ZNF608: variants seen among roughly 807,000 people sequenced by gnomAD.
The protein encoded by ZNF608 is renal carcinoma antigen NY-REN-36.
Under a neutral mutation model 109.0 loss-of-function variants are expected in ZNF608, and 12 were observed. That is an observed-to-expected ratio of 0.11 (90% CI 0.07 to 0.18). The LOEUF (loss-of-function observed/expected upper bound fraction) is 0.18. Ranked by LOEUF, ZNF608 falls within the 10% of genes least tolerant of loss-of-function variation. ZNF608 has a pLI of 1.00. For synonymous variants in ZNF608, 732 were observed against 717.4 expected (o/e 1.02, Z -0.33); for missense variants, 1,707 against 1,879.3 (o/e 0.91, Z 1.70).
intron 2 of ZNF608, among the ~76,000 whole-genome samples, chr5:124,722,620 C>CAT (rs1561584220): frequency 7.2e-6 from 1 of 139,350 alleles, no homozygotes; most frequent in Non-Finnish European, 1.6e-5. Flanking sequence ...CACACACACA[C>CAT]GCAAGAAATT....
At chr5:124,738,555 C>T (rs572021413) in intron 2 of ZNF608, among the ~76,000 whole-genome samples, 1 of 152,276 alleles carries the variant, frequency 6.6e-6, no homozygotes, top group East Asian at 1.9e-4. Flanking sequence ...AGAGTGTGTT[C>T]AATGTGGCAA....
In ZNF608 at chr5:124,737,278, C is replaced by T. The variant is rs568868748; in HGVS notation, c.906+6806G>A. On this transcript the variant is annotated intron_variant, in intron 2 of 9. Transcript: ENST00000513986. ...GCATTATTGGAATATGCCTAAATGT[C>T]CCTGCAGACACATTTTTCTTAAGGT... Among the ~76,000 whole-genome samples the T allele has an allele frequency of 1.2e-4, 18 of 152,246 alleles. No individual in the cohort carries two copies. The South Asian group carries it at 3.7e-3, about 32-fold the overall frequency.
chr5:124,644,390 C>T lies in ZNF608; in HGVS notation c.3977G>A (p.Arg1326Gln), dbSNP rs61749625. 8.9e-5 allele frequency: 144 copies of T among 1,613,966 alleles called. No homozygotes were observed. Among genetic ancestry groups the T allele is most frequent in the Non-Finnish European group, 1.2e-4 (137 of 1,180,030 alleles). The change falls in exon 6 of 10, where the codon CGG becomes CAG. Residue 1326 changes from arginine to glutamine, a missense_variant. Physicochemically the swap from Arg to Gln is conservative, Grantham distance 43 (BLOSUM62 1). Around this residue, in one of 7 missense-constraint regions of ZNF608, gnomAD observed 1,073 missense variants for 1,133.5 expected, o/e 0.95. Coordinates refer to ENST00000513986, the MANE Select transcript of ZNF608 (RefSeq NM_020747.3). ...TGAGGAGACAGCCACTCTTGTTCCCCGAGAGTCCTTCCAGTTCACAGGAGT... is the reference window on the plus strand; with the variant it reads ...TGAGGAGACAGCCACTCTTGTTCCCTGAGAGTCCTTCCAGTTCACAGGAGT... ...RKTPVNWKDS[R>Q]GTRVAVSSPM...
At chr5:124,695,209 C>T (rs935752401) in intron 3 of ZNF608, among the ~76,000 whole-genome samples, 1 of 152,156 alleles carries the variant, frequency 6.6e-6, no homozygotes, top group Non-Finnish European at 1.5e-5. Flanking sequence ...TCTTATTCCT[C>T]TTGAGAGTCA....
intron 3 of ZNF608, among the ~76,000 whole-genome samples, chr5:124,689,175 A>T (rs115247254): frequency 6.6e-6 from 1 of 152,190 alleles, no homozygotes; most frequent in Non-Finnish European, 1.5e-5. Context: ...AGATGGGAGG[A>T]TCACTTGAGC....
intron 3 of ZNF608, 116 bp downstream of exon 3, chr5:124,700,898 A>G (rs1753025580): frequency 7.1e-7 from 1 of 1,406,656 alleles, no homozygotes; most frequent in South Asian, 1.4e-5. Flanking sequence ...AGCGGAAATA[A>G]AAAACACTTT....
intron 3 of ZNF608, among the ~76,000 whole-genome samples, chr5:124,651,162 T>G (rs567411285): frequency 6.6e-6 from 1 of 152,252 alleles, no homozygotes; most frequent in Admixed American, 6.5e-5. Context: ...TCATAGCTGA[T>G]TCCAATGAAA....
intron 3 of ZNF608, among the ~76,000 whole-genome samples, chr5:124,690,031 T>TA (rs60234840): frequency 0.063 from 9,567 of 152,190 alleles, 444 homozygotes; most frequent in African/African-American, 0.13. Context: ...CTCAATGAAA[T>TA]AATATTCAGT....
At chr5:124,667,631 G>A (rs1035730620) in intron 3 of ZNF608, among the ~76,000 whole-genome samples, 1 of 151,562 alleles carries the variant, frequency 6.6e-6, no homozygotes, top group Non-Finnish European at 1.5e-5. Flanking sequence ...ATAACACTGG[G>A]AATTGCCCTT....
At chr5:124,699,520 C>G (rs1440131102) in intron 3 of ZNF608, among the ~76,000 whole-genome samples, 1 of 152,230 alleles carries the variant, frequency 6.6e-6, no homozygotes, top group Non-Finnish European at 1.5e-5. Context: ...TCACTTCCCT[C>G]TGAGCAAACA....
rs551374506 is a variant in ZNF608, at chr5:124,656,752, A to G, written c.1163-7055T>C. The stretch of plus-strand genomic sequence containing the variant: ...AATCTATGGAAATCCTTTTTTAAAA[A>G]AAAAATCTGAAAGGATTTTCCCCCT... On this transcript the variant is annotated intron_variant, in intron 3 of 9. Coordinates refer to ENST00000513986, the MANE Select transcript of ZNF608 (RefSeq NM_020747.3). 2.0e-5 allele frequency among the ~76,000 whole-genome samples: 3 copies of G among 151,356 alleles called. No homozygotes were observed. The South Asian group carries it at 6.2e-4, about 31-fold the overall frequency.
At chr5:124,708,968 T>A (rs1349550707) in intron 2 of ZNF608, among the ~76,000 whole-genome samples, 1 of 151,928 alleles carries the variant, frequency 6.6e-6, no homozygotes. Context: ...GGTCAGGAGT[T>A]CAAGACCAGC....
intron 5 of ZNF608, among the ~76,000 whole-genome samples, chr5:124,645,994 T>G (rs73784057): frequency 0.03 from 4,501 of 152,246 alleles, 254 homozygotes; most frequent in African/African-American, 0.1. Flanking sequence ...ATTTCAGAGA[T>G]AAGACTCAGA....
intron 2 of ZNF608, among the ~76,000 whole-genome samples, chr5:124,707,441 C>T (rs764106236): frequency 1.1e-4 from 16 of 152,268 alleles, no homozygotes; most frequent in Non-Finnish European, 2.1e-4. Flanking sequence ...ATATCCACAC[C>T]GATCCTGCTA....
At chr5:124,684,788 C>T (rs911614125) in intron 3 of ZNF608, among the ~76,000 whole-genome samples, 3 of 152,248 alleles carry the variant, frequency 2.0e-5, no homozygotes, top group Admixed American at 6.5e-5. Context: ...ACAGCAATCA[C>T]GCCATTTTGT....
intron 2 of ZNF608, among the ~76,000 whole-genome samples, chr5:124,717,408 T>C (rs997970036): frequency 4.6e-5 from 7 of 152,150 alleles, no homozygotes; most frequent in Admixed American, 4.6e-4. Flanking sequence ...GAGGCGGAAA[T>C]TGCAGTGAGC....
intron 3 of ZNF608, among the ~76,000 whole-genome samples, chr5:124,657,243 T>A (rs931658324): frequency 1.3e-5 from 2 of 152,148 alleles, no homozygotes; most frequent in African/African-American, 4.8e-5. Flanking sequence ...TGCTGTCCCA[T>A]ATGTTCACGT....
chr5:124,648,587 C>T lies in ZNF608; in HGVS notation c.1797G>A (p.Glu599=). The change falls in exon 5 of 10, where the codon GAG becomes GAA. Residue 599 remains glutamate, a synonymous_variant. Transcript: ENST00000513986. ...CAAGTGCCACATTACTCAATCCTTCCTCACAGTCCGAGATCTTGTCCTCAC... is the reference window on the plus strand; with the variant it reads ...CAAGTGCCACATTACTCAATCCTTCTTCACAGTCCGAGATCTTGTCCTCAC... ...PDSEDKISDC[E]EGLSNVALEC... The T allele has an allele frequency of 6.2e-7, 1 of 1,614,220 alleles. No individual in the cohort carries two copies. Among genetic ancestry groups the T allele is most frequent in the Non-Finnish European group, 8.5e-7 (1 of 1,180,048 alleles).
At chr5:124,642,268 G>A (rs1468828081) in intron 7 of ZNF608, among the ~76,000 whole-genome samples, 1 of 152,008 alleles carries the variant, frequency 6.6e-6, no homozygotes, top group African/African-American at 2.4e-5. Flanking sequence ...CCTTTTTTGG[G>A]GAAGAGCCAT....
Sources: allele counts gnomAD v4.1 joint callset (sites outside exome capture counted in the v4.1 genomes callset), GRCh38; gene constraint gnomAD v4.1.1; regional missense constraint gnomAD v4.1.1; transcripts MANE v1.5; gene names NCBI Gene and HGNC (gene_info 2026-07-23, HGNC 2026-07-21).